The following KDM2A variants were observed in gnomAD, a reference collection of about 807,000 sequenced individuals.
The protein encoded by KDM2A is lysine-specific demethylase 2A.
KDM2A carries 3 observed loss-of-function variants against 137.3 expected under a neutral mutation model. The observed-to-expected ratio is 0.02, with a 90% CI of 0.01 to 0.06. KDM2A has a LOEUF of 0.06. KDM2A is among the 10% of genes least tolerant of loss of function. The probability of loss-of-function intolerance (pLI) is 1.00; values close to 1 mark genes in which losing one functional copy is unlikely to be tolerated. For synonymous variants in KDM2A, 512 were observed against 541.5 expected, an observed-to-expected ratio of 0.95 and a Z score of 0.76; for missense variants, 738 against 1,510.6, an observed-to-expected ratio of 0.49 and a Z score of 8.48.
chr11:67,181,048 TATCC>T (rs1857081922), intron 3 of KDM2A, among the ~76,000 whole-genome samples: 2 of 151,276 alleles, frequency 1.3e-5, no homozygotes. Context: ...TTAGTAGTCC[TATCC>T]CCATATTATT....
In KDM2A at chr11:67,247,054, TATATATATATATATATA is replaced by T. The variant is rs1187915101; in HGVS notation, c.1965+939_1965+955del. Among the ~76,000 whole-genome samples the T allele has an allele frequency of 1.6e-3, 48 of 29,132 alleles. 2 individuals carry two copies. The highest frequency in any genetic ancestry group is 6.9e-3 in the African/African-American group (47 of 6,770). The allele number at this position is 29,132 out of a possible 152,430, so 19.1% of individuals were successfully genotyped here. On this transcript the variant is annotated intron_variant, in intron 15 of 20. Coordinates refer to ENST00000529006, the MANE Select transcript of KDM2A (RefSeq NM_012308.3). ...AAATTATTTTATATATATATATATA[TATATATATATATATATA>T]TTTTTTTTTTTTTTTTTTTTTTTTT... is the stretch of plus-strand genomic sequence containing the variant.
rs1565430967 is a variant in KDM2A, at chr11:67,256,771, T to G, written c.*1716T>G. 1.3e-5 allele frequency: 2 copies of G among 152,678 alleles called. No homozygotes were observed. The highest frequency in any genetic ancestry group is 2.9e-5 in the Non-Finnish European group (2 of 68,056). 9.5% of individuals were successfully genotyped at this position (152,678 alleles called of 1,614,324 possible). Reference sequence around the variant, plus strand: ...GTTTTGACCCTGGCATTAACTGGCCTTAGAAGAAACTGGATCCTGGTAGGG... The same window carrying G: ...GTTTTGACCCTGGCATTAACTGGCCGTAGAAGAAACTGGATCCTGGTAGGG... On this transcript the variant is annotated 3_prime_UTR_variant, in exon 21 of 21. Transcript: ENST00000529006.
intron 2 of KDM2A, among the ~76,000 whole-genome samples, chr11:67,156,095 C>CA (rs1004238699): frequency 6.8e-6 from 1 of 147,972 alleles, no homozygotes; most frequent in Non-Finnish European, 1.5e-5. Context: ...ACTAAAAATA[C>CA]AAAATAGCTG....
intron 2 of KDM2A, among the ~76,000 whole-genome samples, chr11:67,129,503 G>A (rs1296717542): frequency 3.3e-5 from 5 of 152,104 alleles, no homozygotes; most frequent in Non-Finnish European, 7.3e-5. Flanking sequence ...GGAAGGCCGA[G>A]GCGGGCGGAT....
chr11:67,133,176 T>C (rs541390329), intron 2 of KDM2A, among the ~76,000 whole-genome samples: 1 of 152,318 alleles, frequency 6.6e-6, no homozygotes, highest in East Asian at 1.9e-4. Context: ...CTTGGCTCAG[T>C]GCAATCTCCG....
intron 2 of KDM2A, among the ~76,000 whole-genome samples, chr11:67,170,146 G>A (rs1856847400): frequency 1.3e-5 from 2 of 152,024 alleles, no homozygotes; most frequent in African/African-American, 2.4e-5. Flanking sequence ...CACAATAAAT[G>A]TACCGAGTTC....
At chr11:67,191,055 C>CT (rs964235234) in intron 5 of KDM2A, among the ~76,000 whole-genome samples, 1 of 151,482 alleles carries the variant, frequency 6.6e-6, no homozygotes, top group African/African-American at 2.4e-5. Flanking sequence ...TCTTTTTTTT[C>CT]TTTTTTTGAG....
At chr11:67,149,722 CTTTT>C (rs368037059) in intron 2 of KDM2A, among the ~76,000 whole-genome samples, 1 of 134,962 alleles carries the variant, frequency 7.4e-6, no homozygotes, top group Non-Finnish European at 1.6e-5. Context: ...GTATTAGAAT[CTTTT>C]TTTTTTTTTT....
intron 2 of KDM2A, among the ~76,000 whole-genome samples, chr11:67,125,342 G>A (rs1855696278): frequency 6.6e-6 from 1 of 151,732 alleles, no homozygotes; most frequent in South Asian, 2.1e-4. Context: ...CACCATGCCT[G>A]GTTAATTTTT....
At chr11:67,205,682 A>G (rs546807238) in intron 5 of KDM2A, among the ~76,000 whole-genome samples, 5 of 151,990 alleles carry the variant, frequency 3.3e-5, no homozygotes, top group East Asian at 3.9e-4. Context: ...GTGTTTTGCT[A>G]TGTTACCCAG....
intron 12 of KDM2A, among the ~76,000 whole-genome samples, chr11:67,240,539 A>T (rs993748096): frequency 2.0e-5 from 3 of 152,106 alleles, no homozygotes; most frequent in Non-Finnish European, 4.4e-5. Context: ...ACCTGGTGGG[A>T]TGTGCTTTTG....
chr11:67,142,785 C>T (rs1470267594), intron 2 of KDM2A, among the ~76,000 whole-genome samples: 2 of 151,688 alleles, frequency 1.3e-5, no homozygotes, highest in Non-Finnish European at 2.9e-5. Flanking sequence ...ATCCTTATTC[C>T]TAGAAGTACA....
At chr11:67,127,693 T>A (rs1382171349) in intron 2 of KDM2A, among the ~76,000 whole-genome samples, 4 of 152,180 alleles carry the variant, frequency 2.6e-5, no homozygotes, top group Admixed American at 6.5e-5. Context: ...TTATCTTTTT[T>A]AAATTAATTA....
At chr11:67,165,271 C>T (rs898030429) in intron 2 of KDM2A, among the ~76,000 whole-genome samples, 6 of 151,992 alleles carry the variant, frequency 3.9e-5, no homozygotes, top group East Asian at 1.9e-4. Flanking sequence ...TACAGGCATG[C>T]GCCGCCACAC....
intron 12 of KDM2A, among the ~76,000 whole-genome samples, chr11:67,232,623 T>G (rs772140864): frequency 2.0e-5 from 3 of 152,002 alleles, no homozygotes; most frequent in Non-Finnish European, 4.4e-5. Context: ...CTCCTAATGC[T>G]ATCCCTCCTC....
chr11:67,139,399 C>G (rs991263550), intron 2 of KDM2A, among the ~76,000 whole-genome samples: 3 of 152,104 alleles, frequency 2.0e-5, no homozygotes, highest in African/African-American at 7.2e-5. Context: ...CACCCACCAC[C>G]ACGCCCAGCA....
chr11:67,168,582 T>TAAC (rs879358615), intron 2 of KDM2A, among the ~76,000 whole-genome samples: 1 of 33,984 alleles, frequency 2.9e-5, no homozygotes, highest in African/African-American at 1.3e-4. Flanking sequence ...GTATGAATTA[T>TAAC]ACACACACAC....
intron 5 of KDM2A, among the ~76,000 whole-genome samples, chr11:67,188,522 G>A (rs1428820901): frequency 6.7e-6 from 1 of 149,462 alleles, no homozygotes; most frequent in African/African-American, 2.5e-5. Context: ...TGGGCATGGT[G>A]CCTCACACGT....
intron 12 of KDM2A, among the ~76,000 whole-genome samples, chr11:67,238,281 G>T (rs1858928283): frequency 6.6e-6 from 1 of 151,920 alleles, no homozygotes; most frequent in Admixed American, 6.6e-5. Flanking sequence ...TTCCTTTCCT[G>T]GTGGCCTCTA....
Sources: allele counts gnomAD v4.1 joint callset (sites outside exome capture counted in the v4.1 genomes callset), GRCh38; gene constraint gnomAD v4.1.1; transcripts MANE v1.5; gene names NCBI Gene and HGNC (gene_info 2026-07-23, HGNC 2026-07-21).